Variants in ARHGAP15 observed in about 807,000 individuals in gnomAD.
ARHGAP15 encodes the protein Rho GTPase activating protein 15.
Under a neutral mutation model 63.7 loss-of-function variants are expected in ARHGAP15, and 51 were observed. That is an observed-to-expected ratio of 0.80 (90% confidence interval 0.64 to 1.01). The LOEUF (loss-of-function observed/expected upper bound fraction) is 1.01, where lower values mean the gene tolerates loss of function less well. Among genes scored for constraint, ARHGAP15 ranks in the 50% least tolerant of loss-of-function variants. The probability of loss-of-function intolerance (pLI) is 0.00; values close to 1 mark genes in which losing one functional copy is unlikely to be tolerated. For missense variants in ARHGAP15, 560 were observed against 564.6 expected (o/e 0.99, Z 0.08); for synonymous variants, 191 against 193.8 (o/e 0.99, Z 0.12).
chr2:143,268,236 C>A (rs1681095940), intron 6 of ARHGAP15, among the ~76,000 whole-genome samples: 1 of 150,574 alleles, frequency 6.6e-6, no homozygotes, highest in Non-Finnish European at 1.5e-5. Context: ...TAATGTAGAG[C>A]ATATTGGTTT....
intron 7 of ARHGAP15, among the ~76,000 whole-genome samples, chr2:143,436,370 C>A (rs1349439409): frequency 6.6e-6 from 1 of 152,138 alleles, no homozygotes; most frequent in East Asian, 1.9e-4. Flanking sequence ...TTTCTTGATA[C>A]TTAATTGCAA....
chr2:143,325,264 T>A (rs1467594065), intron 6 of ARHGAP15, among the ~76,000 whole-genome samples: 2 of 152,166 alleles, frequency 1.3e-5, no homozygotes, highest in African/African-American at 4.8e-5. Context: ...AAATGAAGAA[T>A]AATCAGTTAC....
At chr2:143,471,189 T>G (rs1691543111) in intron 8 of ARHGAP15, among the ~76,000 whole-genome samples, 2 of 141,624 alleles carry the variant, frequency 1.4e-5, no homozygotes, top group African/African-American at 2.6e-5. Flanking sequence ...TGTGTGTATA[T>G]ATACACACAT....
rs981315144 is a variant in ARHGAP15 at position 143,378,524 on chromosome 2, C to T, written c.475-57077C>T. ...ATAACAGCGGTAGTTTATAAAAGAG[C>T]TGTAGTCACTCTTAATGCCTTAGAG... On this transcript the variant is annotated intron_variant, in intron 6 of 13. Coordinates refer to ENST00000295095, the MANE Select transcript of ARHGAP15 (RefSeq NM_018460.4). Among the ~76,000 whole-genome samples the T allele has an allele frequency of 3.9e-5, 6 of 152,104 alleles. No individual in the cohort carries two copies. The East Asian group carries it at 7.7e-4, about 20-fold the overall frequency.
At chr2:143,602,178 T>TAAAAC (rs1697797539) in intron 11 of ARHGAP15, among the ~76,000 whole-genome samples, 1 of 152,186 alleles carries the variant, frequency 6.6e-6, no homozygotes, top group Non-Finnish European at 1.5e-5. Flanking sequence ...CTAATGGTTG[T>TAAAAC]CATGTACACG....
chr2:143,224,708 A>C (rs1287573207), intron 4 of ARHGAP15, among the ~76,000 whole-genome samples: 1 of 152,224 alleles, frequency 6.6e-6, no homozygotes, highest in Non-Finnish European at 1.5e-5. Context: ...TCAAATCCTT[A>C]AGTCAAGGTA....
At chr2:143,703,596 C>A in intron 13 of ARHGAP15, 72 bp downstream of exon 13, 1 of 1,236,476 alleles carries the variant, frequency 8.1e-7, no homozygotes, top group Non-Finnish European at 1.1e-6. Context: ...AATTTCACAT[C>A]TCTAAGGCAA....
chr2:143,704,881 G>A (rs113070460), intron 13 of ARHGAP15, among the ~76,000 whole-genome samples: 145 of 152,184 alleles, frequency 9.5e-4, no homozygotes, highest in African/African-American at 3.3e-3. Flanking sequence ...CCAAAATTAA[G>A]CAACAGTGAT....
intron 8 of ARHGAP15, among the ~76,000 whole-genome samples, chr2:143,470,105 G>C (rs1691445600): frequency 6.6e-6 from 1 of 152,026 alleles, no homozygotes; most frequent in Non-Finnish European, 1.5e-5. Flanking sequence ...CAATGATAAA[G>C]ATGACTTAGA....
chr2:143,722,508 T>C (rs1170853227), intron 13 of ARHGAP15, among the ~76,000 whole-genome samples: 1 of 152,100 alleles, frequency 6.6e-6, no homozygotes, highest in Non-Finnish European at 1.5e-5. Flanking sequence ...TGCTCTGTGT[T>C]CCATACTATA....
chr2:143,695,638 C>A (rs1178534855), intron 12 of ARHGAP15, among the ~76,000 whole-genome samples: 1 of 152,028 alleles, frequency 6.6e-6, no homozygotes, highest in Non-Finnish European at 1.5e-5. Context: ...AAGGCTGAGG[C>A]GGGTGGATCG....
chr2:143,362,338 G>C (rs1290478649), intron 6 of ARHGAP15, among the ~76,000 whole-genome samples: 1 of 152,094 alleles, frequency 6.6e-6, no homozygotes, highest in African/African-American at 2.4e-5. Flanking sequence ...GCAGTATTTG[G>C]CACAGTTGTG....
intron 4 of ARHGAP15, among the ~76,000 whole-genome samples, chr2:143,217,243 A>G (rs770270642): frequency 8.5e-5 from 13 of 152,216 alleles, no homozygotes; most frequent in Non-Finnish European, 1.8e-4. Flanking sequence ...AATACAATTC[A>G]TTACTAGAAT....
chr2:143,305,165 A>G (rs934314884), intron 6 of ARHGAP15, among the ~76,000 whole-genome samples: 1 of 152,016 alleles, frequency 6.6e-6, no homozygotes, highest in Non-Finnish European at 1.5e-5. Flanking sequence ...GGATGAGTTC[A>G]TGTCCTTTTC....
chr2:143,459,292 C>T (rs1690811889), intron 8 of ARHGAP15, among the ~76,000 whole-genome samples: 1 of 151,558 alleles, frequency 6.6e-6, no homozygotes, highest in African/African-American at 2.4e-5. Flanking sequence ...ATCAAGGTAC[C>T]ACTATCTGAT....
intron 12 of ARHGAP15, among the ~76,000 whole-genome samples, chr2:143,639,743 T>C (rs1017867366): frequency 6.6e-6 from 1 of 152,128 alleles, no homozygotes; most frequent in Non-Finnish European, 1.5e-5. Context: ...CCTCATGTCA[T>C]GTGCCAGAAA....
intron 6 of ARHGAP15, among the ~76,000 whole-genome samples, chr2:143,379,786 AAAT>A (rs1015760364): frequency 4.4e-4 from 67 of 152,024 alleles, no homozygotes; most frequent in African/African-American, 1.4e-3. Context: ...TAAGTAGGAA[AAAT>A]AATGACTATT....
chr2:143,470,972 C>T (rs1233672495), intron 8 of ARHGAP15, among the ~76,000 whole-genome samples: 2 of 141,040 alleles, frequency 1.4e-5, no homozygotes, highest in African/African-American at 2.5e-5. Context: ...TATGTGTGTA[C>T]ATACACACGT....
At chr2:143,150,868 G>A (rs1266839787) in intron 1 of ARHGAP15, among the ~76,000 whole-genome samples, 4 of 151,962 alleles carry the variant, frequency 2.6e-5, no homozygotes, top group South Asian at 2.1e-4. Context: ...GAGGCACATA[G>A]ATCAAGCAAA....
Sources: allele counts gnomAD v4.1 joint callset (sites outside exome capture counted in the v4.1 genomes callset), GRCh38; gene constraint gnomAD v4.1.1; transcripts MANE v1.5; gene names NCBI Gene and HGNC (gene_info 2026-07-23, HGNC 2026-07-21).